SYN2: variants seen among roughly 807,000 people sequenced by gnomAD.
The protein encoded by SYN2 is synapsin-2.
Under a neutral mutation model 50.9 loss-of-function variants are expected in SYN2, and 19 were observed. The ratio of observed to expected loss-of-function variants is 0.37; its 90% confidence interval spans 0.26 to 0.55. The LOEUF (loss-of-function observed/expected upper bound fraction) is 0.55, where lower values mean the gene tolerates loss of function less well. Ranked by LOEUF, SYN2 falls within the 20% of genes least tolerant of loss-of-function variation. The pLI, the probability that SYN2 is intolerant of heterozygous loss-of-function variation, is 0.81. For synonymous variants in SYN2, 255 were observed against 224.9 expected (o/e 1.13, Z -1.20); for missense variants, 587 against 576.4 (o/e 1.02, Z -0.19).
At chr3:12,090,492 CT>C (rs1364959109) in intron 1 of SYN2, among the ~76,000 whole-genome samples, 2 of 150,206 alleles carry the variant, frequency 1.3e-5, no homozygotes, top group African/African-American at 2.5e-5. Flanking sequence ...GGCTCTGCCA[CT>C]TTCTTGCCAG....
chr3:12,033,120 G>A (rs1014975649), intron 1 of SYN2, among the ~76,000 whole-genome samples: 8 of 151,694 alleles, frequency 5.3e-5, no homozygotes, highest in East Asian at 2.0e-4. Context: ...TCAGCTGCAG[G>A]TCTGTTGGAA....
chr3:12,008,407 G>A (rs555226827), intron 1 of SYN2, among the ~76,000 whole-genome samples: 8 of 152,230 alleles, frequency 5.3e-5, no homozygotes, highest in African/African-American at 1.9e-4. Flanking sequence ...AGGTAGATAA[G>A]ATAAATACTT....
At chr3:12,034,780 A>C (rs1694459788) in intron 1 of SYN2, among the ~76,000 whole-genome samples, 1 of 152,216 alleles carries the variant, frequency 6.6e-6, no homozygotes, top group Non-Finnish European at 1.5e-5. Flanking sequence ...ATTGGGGATT[A>C]AGTTTCCAAC....
chr3:12,082,410 C>G (rs1230961170), intron 1 of SYN2, among the ~76,000 whole-genome samples: 2 of 152,152 alleles, frequency 1.3e-5, no homozygotes, highest in Non-Finnish European at 2.9e-5. Flanking sequence ...TCTTATGAGT[C>G]CTGAGAATTG....
intron 1 of SYN2, among the ~76,000 whole-genome samples, chr3:12,089,813 CAT>C (rs1408949742): frequency 6.6e-6 from 1 of 152,030 alleles, no homozygotes; most frequent in African/African-American, 2.4e-5. Context: ...GGCACGATGT[CAT>C]AGAGGTTGGC....
intron 1 of SYN2, among the ~76,000 whole-genome samples, chr3:12,020,141 T>G (rs1694103120): frequency 1.3e-5 from 2 of 152,206 alleles, no homozygotes; most frequent in Admixed American, 1.3e-4. Flanking sequence ...TCAGACTGAT[T>G]CTGAGTTGTC....
chr3:12,094,910 A>G (rs1314125895), intron 1 of SYN2, among the ~76,000 whole-genome samples: 1 of 152,192 alleles, frequency 6.6e-6, no homozygotes, highest in Non-Finnish European at 1.5e-5. Context: ...TATGTTGAAT[A>G]GGCAACTGAA....
At position 12,191,780 on chromosome 3, in the gene SYN2, A is replaced by G. The variant is rs1189746876; in HGVS notation, c.*1155A>G. Among the ~76,000 whole-genome samples the G allele has an allele frequency of 6.6e-6, 1 of 152,146 alleles. No individual in the cohort carries two copies. The highest frequency in any genetic ancestry group is 2.1e-4 in the South Asian group (1 of 4,826). Reference sequence around the variant, plus strand: ...TTTAGACTCACTTGCCTGGTCTATCATCAAGCTCCTCAGCTGAGGCCCACA... The same window carrying G: ...TTTAGACTCACTTGCCTGGTCTATCGTCAAGCTCCTCAGCTGAGGCCCACA... On this transcript the variant is annotated 3_prime_UTR_variant, in exon 13 of 13. Transcript: ENST00000621198.
intron 1 of SYN2, among the ~76,000 whole-genome samples, chr3:12,072,543 A>C (rs954915319): frequency 2.0e-5 from 3 of 152,136 alleles, no homozygotes; most frequent in African/African-American, 7.2e-5. Context: ...TTGGATATCG[A>C]TATATGGTTG....
intron 11 of SYN2, among the ~76,000 whole-genome samples, chr3:12,186,777 G>T (rs546999287): frequency 2.0e-5 from 3 of 152,150 alleles, no homozygotes; most frequent in African/African-American, 7.2e-5. Context: ...CATAAGGTAC[G>T]GAATACTTTT....
At chr3:12,028,820 G>A (rs1694320836) in intron 1 of SYN2, among the ~76,000 whole-genome samples, 2 of 146,118 alleles carry the variant, frequency 1.4e-5, no homozygotes, top group African/African-American at 5.2e-5. Flanking sequence ...CTTCCATGTT[G>A]TAGGTTGCCT....
At chr3:12,115,092 CT>C (rs1196931529) in intron 1 of SYN2, among the ~76,000 whole-genome samples, 1 of 152,148 alleles carries the variant, frequency 6.6e-6, no homozygotes, top group Non-Finnish European at 1.5e-5. Flanking sequence ...TAATTTTCAT[CT>C]GAACAAAGGC....
chr3:12,158,123 A>G (rs1697512947), intron 5 of SYN2, among the ~76,000 whole-genome samples: 2 of 152,126 alleles, frequency 1.3e-5, no homozygotes, highest in South Asian at 2.1e-4. Flanking sequence ...TAGGAGCGCT[A>G]AGACGGTTAG....
chr3:12,143,334 G>A (rs983060966), intron 3 of SYN2, among the ~76,000 whole-genome samples: 2 of 152,116 alleles, frequency 1.3e-5, no homozygotes, highest in Non-Finnish European at 2.9e-5. Flanking sequence ...TTTGTTACAC[G>A]AATTATGTAC....
At chr3:12,098,959 CCAGAGA>C (rs1413973397) in intron 1 of SYN2, among the ~76,000 whole-genome samples, 1 of 149,696 alleles carries the variant, frequency 6.7e-6, no homozygotes, top group Admixed American at 6.7e-5. Flanking sequence ...AAAATTGCTA[CCAGAGA>C]CAAAGAAGAG....
intron 1 of SYN2, among the ~76,000 whole-genome samples, chr3:12,126,892 G>C (rs1263252648): frequency 6.6e-6 from 1 of 152,024 alleles, no homozygotes; most frequent in Non-Finnish European, 1.5e-5. Context: ...TACTTCTCTC[G>C]AACACTAATT....
chr3:12,174,689 C>A (rs1698023135), intron 10 of SYN2, among the ~76,000 whole-genome samples: 1 of 152,132 alleles, frequency 6.6e-6, no homozygotes, highest in African/African-American at 2.4e-5. Context: ...ACCATGTTGG[C>A]CAAGATGGTC....
chr3:12,190,318 G>A lies in SYN2; in HGVS notation c.1614-172G>A, dbSNP rs1447861279. Among the ~76,000 whole-genome samples, 6 of 152,182 alleles carry A rather than the reference G, an allele frequency of 3.9e-5. No individual in the cohort carries two copies. In the South Asian group the frequency reaches 6.2e-4, roughly 16 times the overall value. On this transcript the variant is annotated intron_variant, in intron 12 of 12. Coordinates refer to ENST00000621198, the MANE Select transcript of SYN2 (RefSeq NM_133625.6). Reference sequence around the variant, plus strand: ...GTAGCACCAAAGTTGAGGAAGTAGCGTAGGAGTCTCCCAGGGTCTTGGTAG... The same window carrying A: ...GTAGCACCAAAGTTGAGGAAGTAGCATAGGAGTCTCCCAGGGTCTTGGTAG...
chr3:12,150,795 C>T (rs1054572209), intron 4 of SYN2, among the ~76,000 whole-genome samples: 7 of 152,106 alleles, frequency 4.6e-5, no homozygotes, highest in African/African-American at 1.4e-4. Context: ...CTTTGCCTGA[C>T]GTTTGAACTT....
Sources: allele counts gnomAD v4.1 joint callset (sites outside exome capture counted in the v4.1 genomes callset), GRCh38; gene constraint gnomAD v4.1.1; transcripts MANE v1.5; gene names NCBI Gene and HGNC (gene_info 2026-07-23, HGNC 2026-07-21).